ITFG1: variants seen among roughly 807,000 people sequenced by gnomAD.
ITFG1 encodes the protein T-cell immunomodulatory protein.
In ITFG1, 34 loss-of-function variants were observed where a neutral mutation model predicts 81.8. The observed-to-expected ratio is 0.42, with a 90% CI of 0.32 to 0.55. The LOEUF is 0.55. Among genes scored for constraint, ITFG1 ranks in the 20% least tolerant of loss-of-function variants. The pLI, the probability that ITFG1 is intolerant of heterozygous loss-of-function variation, is 0.17. For missense variants in ITFG1, 672 were observed against 755.4 expected (o/e 0.89, Z 1.29); for synonymous variants, 285 against 270.6 (o/e 1.05, Z -0.52).
At chr16:47,342,579 T>C (rs1039375455) in intron 8 of ITFG1, among the ~76,000 whole-genome samples, 2 of 152,086 alleles carry the variant, frequency 1.3e-5, no homozygotes, top group African/African-American at 2.4e-5. Context: ...AGAGATGACA[T>C]GATGCTATAT....
intron 14 of ITFG1, among the ~76,000 whole-genome samples, chr16:47,188,879 C>T (rs570109227): frequency 6.6e-6 from 1 of 152,276 alleles, no homozygotes; most frequent in East Asian, 1.9e-4. Context: ...ATGCTCCTGC[C>T]TTAGCCTCCC....
intron 14 of ITFG1, among the ~76,000 whole-genome samples, chr16:47,174,704 G>C (rs1965002650): frequency 6.6e-6 from 1 of 152,134 alleles, no homozygotes; most frequent in Non-Finnish European, 1.5e-5. Context: ...ATTTTTAGTA[G>C]AGACAGGGTT....
intron 6 of ITFG1, among the ~76,000 whole-genome samples, chr16:47,422,809 T>C (rs1315094357): frequency 6.6e-6 from 1 of 152,136 alleles, no homozygotes; most frequent in Non-Finnish European, 1.5e-5. Context: ...TCTCTGATGG[T>C]AGTTTGTATT....
At chr16:47,348,931 T>C (rs1198648923) in intron 8 of ITFG1, among the ~76,000 whole-genome samples, 3 of 152,144 alleles carry the variant, frequency 2.0e-5, no homozygotes, top group East Asian at 3.9e-4. Flanking sequence ...AAAGAATTTT[T>C]AACCCAGAAT....
chr16:47,162,722 A>G (rs1964827858), intron 14 of ITFG1, 58 bp from the exon 15 acceptor site: 3 of 1,420,218 alleles, frequency 2.1e-6, no homozygotes, highest in Admixed American at 4.8e-5. Context: ...TGCTCCCATC[A>G]AATATTAAAA....
chr16:47,273,981 G>A (rs1260303033), intron 10 of ITFG1, among the ~76,000 whole-genome samples: 1 of 152,180 alleles, frequency 6.6e-6, no homozygotes, highest in African/African-American at 2.4e-5. Flanking sequence ...AATCGGCTGG[G>A]CGTGGTGGCT....
At chr16:47,338,352 G>A (rs889678541) in intron 8 of ITFG1, among the ~76,000 whole-genome samples, 1 of 152,078 alleles carries the variant, frequency 6.6e-6, no homozygotes, top group Admixed American at 6.5e-5. Context: ...AGGTTACAGT[G>A]AGCTGAGATC....
chr16:47,401,072 C>A (rs1968655868), intron 6 of ITFG1, among the ~76,000 whole-genome samples: 1 of 152,120 alleles, frequency 6.6e-6, no homozygotes, highest in African/African-American at 2.4e-5. Flanking sequence ...GAGGTACTTG[C>A]AGCCGAATCC....
intron 6 of ITFG1, among the ~76,000 whole-genome samples, chr16:47,382,903 A>T (rs1968413627): frequency 6.6e-6 from 1 of 152,170 alleles, no homozygotes; most frequent in South Asian, 2.1e-4. Flanking sequence ...ATTTTTCATA[A>T]CTTGTATGTT....
intron 2 of ITFG1, among the ~76,000 whole-genome samples, chr16:47,456,373 A>C (rs1331056425): frequency 6.6e-6 from 1 of 152,144 alleles, no homozygotes; most frequent in African/African-American, 2.4e-5. Context: ...AAGCTAGAAC[A>C]CAATAAGCTA....
intron 10 of ITFG1, among the ~76,000 whole-genome samples, chr16:47,274,802 G>A (rs1460251456): frequency 2.0e-5 from 3 of 152,170 alleles, no homozygotes; most frequent in Admixed American, 6.5e-5. Context: ...ATGAACTACA[G>A]TGGGAAAGGC....
At chr16:47,382,111 A>C (rs1164260481) in intron 6 of ITFG1, among the ~76,000 whole-genome samples, 1 of 152,246 alleles carries the variant, frequency 6.6e-6, no homozygotes, top group African/African-American at 2.4e-5. Flanking sequence ...AAACTTTTGA[A>C]ATACTGAAAC....
intron 8 of ITFG1, among the ~76,000 whole-genome samples, chr16:47,355,658 AC>A (rs1461563826): frequency 6.6e-6 from 1 of 152,216 alleles, no homozygotes; most frequent in Non-Finnish European, 1.5e-5. Flanking sequence ...TATAAGTATT[AC>A]ATGTTAACTA....
At chr16:47,372,015 G>A (rs904537955) in intron 7 of ITFG1, among the ~76,000 whole-genome samples, 37 of 150,992 alleles carry the variant, frequency 2.5e-4, no homozygotes, top group Admixed American at 1.1e-3. Flanking sequence ...CCAGGTTCAC[G>A]CCATTCTCCT....
intron 6 of ITFG1, among the ~76,000 whole-genome samples, chr16:47,377,421 C>T (rs1461387144): frequency 2.6e-5 from 4 of 152,106 alleles, no homozygotes; most frequent in Non-Finnish European, 2.9e-5. Context: ...AGATGAAGGG[C>T]AAATACCTCA....
In ITFG1 at chr16:47,455,190, A is replaced by T. The variant is rs940025589; in HGVS notation, c.282-1032T>A. 3.9e-5 allele frequency among the ~76,000 whole-genome samples: 6 copies of T among 152,328 alleles called. No homozygotes were observed. The South Asian group carries it at 1.2e-3, about 32-fold the overall frequency. ...ATACATGCAGGGCAAAAGATAGTAG[A>T]CTAGTCCCACTAGGCAATACATTTC... is the stretch of plus-strand genomic sequence containing the variant. On this transcript the variant is annotated intron_variant, in intron 2 of 17. Transcript: ENST00000320640.
At chr16:47,381,982 A>T (rs1052238718) in intron 6 of ITFG1, among the ~76,000 whole-genome samples, 3 of 152,276 alleles carry the variant, frequency 2.0e-5, no homozygotes, top group Non-Finnish European at 2.9e-5. Context: ...TAAGACAGAC[A>T]GTAGTAAGTG....
chr16:47,209,338 T>C (rs887216507), intron 14 of ITFG1, among the ~76,000 whole-genome samples: 3 of 152,180 alleles, frequency 2.0e-5, no homozygotes, highest in Non-Finnish European at 4.4e-5. Flanking sequence ...TACCATAGTA[T>C]TGATATAATT....
chr16:47,433,141 A>T (rs987064169), intron 5 of ITFG1, among the ~76,000 whole-genome samples: 2 of 152,214 alleles, frequency 1.3e-5, no homozygotes, highest in African/African-American at 4.8e-5. Flanking sequence ...CTACCTTGTG[A>T]CATTTTTTCC....
Sources: gnomAD v4.1 joint callset for allele counts (sites outside exome capture counted in the v4.1 genomes callset) on GRCh38, gnomAD v4.1.1 for gene constraint, MANE v1.5 for transcripts, NCBI Gene and HGNC (gene_info 2026-07-23, HGNC 2026-07-21) for gene names.